STPG2: variants seen among roughly 807,000 people sequenced by gnomAD.
STPG2 encodes sperm-tail PG-rich repeat-containing protein 2.
A neutral mutation model predicts 54.2 loss-of-function variants in STPG2; 56 were observed. The observed-to-expected ratio is 1.03, with a 90% CI of 0.83 to 1.29. STPG2 has a LOEUF of 1.29. STPG2 is among the 50% of genes most tolerant of loss of function. The probability of loss-of-function intolerance (pLI) is 0.00; values close to 1 mark genes in which losing one functional copy is unlikely to be tolerated. For synonymous variants in STPG2, 200 were observed against 181.8 expected, an observed-to-expected ratio of 1.10 and a Z score of -0.81; for missense variants, 596 against 544.9, an observed-to-expected ratio of 1.09 and a Z score of -0.93.
chr4:97,811,237 C>G (rs890539377), intron 9 of STPG2, among the ~76,000 whole-genome samples: 1 of 151,726 alleles, frequency 6.6e-6, no homozygotes, highest in East Asian at 1.9e-4. Context: ...ACTGAAAATG[C>G]AAACTAGTTT....
At chr4:97,603,236 G>A (rs1733510189) in intron 10 of STPG2, among the ~76,000 whole-genome samples, 1 of 151,456 alleles carries the variant, frequency 6.6e-6, no homozygotes, top group South Asian at 2.1e-4. Context: ...ACATATCAGG[G>A]AAATACACAT....
chr4:97,744,745 T>C (rs1396166153), intron 9 of STPG2, among the ~76,000 whole-genome samples: 2 of 151,452 alleles, frequency 1.3e-5, no homozygotes, highest in East Asian at 3.8e-4. Flanking sequence ...CTATGCTGTA[T>C]AAAAGCTATG....
In STPG2 at chr4:97,981,181, G is replaced by C; in HGVS notation, c.750C>G (p.Asp250Glu). ...AACCTGGCATTTCCTCTGTCCTGAT[G>C]TCCTGTGTGAATCGAACAGCACTTT... ...FGQSAVRFTQ[D>E]IRTEEMPGPG... The change falls in exon 6 of 11, where the codon GAC becomes GAG. Residue 250 changes from aspartate (D) to glutamate (E), a missense_variant. By Grantham distance (45) the Asp-to-Glu change is conservative. Transcript: ENST00000295268. 5 of 1,613,918 alleles carry C rather than the reference G, an allele frequency of 3.1e-6. No homozygotes were observed. Among genetic ancestry groups the C allele is most frequent in the Non-Finnish European group, 4.2e-6 (5 of 1,179,946 alleles).
At chr4:97,665,979 C>G (rs1033357078) in intron 10 of STPG2, among the ~76,000 whole-genome samples, 6 of 152,092 alleles carry the variant, frequency 3.9e-5, no homozygotes, top group Non-Finnish European at 7.4e-5. Context: ...CACTTACAAG[C>G]CTATGGGGGT....
At chr4:97,808,765 A>C (rs1482410459) in intron 9 of STPG2, among the ~76,000 whole-genome samples, 3 of 151,612 alleles carry the variant, frequency 2.0e-5, no homozygotes, top group Non-Finnish European at 4.4e-5. Flanking sequence ...AAGGAAGAAA[A>C]AAATGTCAAA....
chr4:97,461,904 A>G (rs1341704481), intron 4 of STPG2, among the ~76,000 whole-genome samples: 1 of 151,992 alleles, frequency 6.6e-6, no homozygotes, highest in East Asian at 1.9e-4. Flanking sequence ...ATGCCCTTCC[A>G]TTCATTTTAA....
At chr4:97,654,382 T>C (rs113052400) in intron 10 of STPG2, among the ~76,000 whole-genome samples, 2,089 of 152,194 alleles carry the variant, frequency 0.014, 43 homozygotes, top group African/African-American at 0.048. Flanking sequence ...CATACATTAT[T>C]AGTGGAAATA....
At chr4:97,632,323 G>C (rs966490248) in intron 10 of STPG2, among the ~76,000 whole-genome samples, 1 of 148,936 alleles carries the variant, frequency 6.7e-6, no homozygotes, top group Non-Finnish European at 1.5e-5. Context: ...CCACTGGCAT[G>C]GGAAAAGTAA....
rs533228776 is a variant in STPG2, at chr4:97,844,430, A to G, written c.1045-3498T>C. 7.9e-5 allele frequency among the ~76,000 whole-genome samples: 12 copies of G among 152,218 alleles called. No homozygotes were observed. The South Asian group carries it at 2.5e-3, about 32-fold the overall frequency. Reference sequence around the variant, plus strand: ...ATTTTTATTTCATATTCATTTTTGAATAATAGTTTTACTAAATATAGATTT... The same window carrying G: ...ATTTTTATTTCATATTCATTTTTGAGTAATAGTTTTACTAAATATAGATTT... On this transcript the variant is annotated intron_variant, in intron 8 of 10. Transcript: ENST00000295268.
intron 9 of STPG2, among the ~76,000 whole-genome samples, chr4:97,778,294 GC>G (rs1726451811): frequency 6.6e-6 from 1 of 151,174 alleles, no homozygotes; most frequent in Non-Finnish European, 1.5e-5. Flanking sequence ...AGGGTCCCAT[GC>G]CTGGCTCGGA....
intron 5 of STPG2, among the ~76,000 whole-genome samples, chr4:98,098,811 G>T (rs7662596): frequency 0.4 from 59,957 of 151,690 alleles, 12,052 homozygotes; most frequent in Middle Eastern, 0.47. Context: ...ATGGGCAAAA[G>T]ATTTCAATAG....
intron 5 of STPG2, among the ~76,000 whole-genome samples, chr4:98,085,522 A>G (rs1342072518): frequency 4.6e-5 from 7 of 152,086 alleles, no homozygotes; most frequent in Non-Finnish European, 1.0e-4. Context: ...ATCCATAAAC[A>G]TATGGCATAT....
At position 97,558,989 on chromosome 4, in the gene STPG2, T is replaced by C. The variant is rs1732150177; in HGVS notation, c.*69A>G. 2 of 1,288,102 alleles carry C rather than the reference T, an allele frequency of 1.6e-6. No homozygotes were observed. Among genetic ancestry groups the C allele is most frequent in the Admixed American group, 4.2e-5 (2 of 47,420 alleles). The allele number at this position is 1,288,102 out of a possible 1,614,324, so 79.8% of individuals were successfully genotyped here. A position where few individuals can be genotyped will look rare whatever the true frequency, so the allele number is the denominator to read the frequency against. Reference sequence around the variant, plus strand: ...TTACTCCTATATTTGGAATAAATTTTGTTAAAATGACAAAGAAATAAACTG... The same window carrying C: ...TTACTCCTATATTTGGAATAAATTTCGTTAAAATGACAAAGAAATAAACTG... On this transcript the variant is annotated 3_prime_UTR_variant, in exon 11 of 11. Transcript: ENST00000295268.
At chr4:97,843,930 C>T (rs1422843927) in intron 8 of STPG2, among the ~76,000 whole-genome samples, 1 of 151,706 alleles carries the variant, frequency 6.6e-6, no homozygotes, top group Non-Finnish European at 1.5e-5. Context: ...TGATTTCATA[C>T]AAAATTCAGA....
chr4:97,851,431 A>T (rs1387714988), intron 8 of STPG2, among the ~76,000 whole-genome samples: 1 of 152,176 alleles, frequency 6.6e-6, no homozygotes, highest in Non-Finnish European at 1.5e-5. Flanking sequence ...CTATGCCTTG[A>T]AAGTATTTTC....
At chr4:98,085,166 C>G (rs1033708317) in intron 5 of STPG2, among the ~76,000 whole-genome samples, 1 of 151,900 alleles carries the variant, frequency 6.6e-6, no homozygotes, top group Non-Finnish European at 1.5e-5. Flanking sequence ...TTTGGATATC[C>G]AGTTGTTCTG....
intron 9 of STPG2, among the ~76,000 whole-genome samples, chr4:97,777,683 C>T (rs954351242): frequency 3.3e-5 from 5 of 152,238 alleles, no homozygotes; most frequent in South Asian, 2.1e-4. Context: ...AAATCCCTAC[C>T]GTTCTGTTGC....
At chr4:97,843,597 C>T (rs972880663) in intron 8 of STPG2, among the ~76,000 whole-genome samples, 2 of 151,770 alleles carry the variant, frequency 1.3e-5, no homozygotes, top group Middle Eastern at 3.2e-3. Context: ...AAGAGAGATG[C>T]TAATGGGATA....
intron 3 of STPG2, among the ~76,000 whole-genome samples, chr4:98,111,804 G>A (rs1312433166): frequency 6.6e-6 from 1 of 152,052 alleles, no homozygotes; most frequent in Non-Finnish European, 1.5e-5. Context: ...TCAGCTGAGG[G>A]CCCAGATAGA....
Sources: gnomAD v4.1 joint callset for allele counts (sites outside exome capture counted in the v4.1 genomes callset) on GRCh38, gnomAD v4.1.1 for gene constraint, MANE v1.5 for transcripts, NCBI Gene and HGNC (gene_info 2026-07-23, HGNC 2026-07-21) for gene names.